The following NUP210 variants were observed in gnomAD, a reference collection of about 807,000 sequenced individuals.
NUP210 encodes nuclear pore membrane glycoprotein 210.
A neutral mutation model predicts 196.0 loss-of-function variants in NUP210; 151 were observed. The ratio of observed to expected loss-of-function variants is 0.77; its 90% CI spans 0.67 to 0.88. The LOEUF is 0.88. NUP210 is among the 40% of genes least tolerant of loss of function. NUP210 has a pLI of 0.00. For missense variants in NUP210, 2,314 were observed against 2,493.7 expected (o/e 0.93, Z 1.53); for synonymous variants, 1,070 against 1,052.7 (o/e 1.02, Z -0.32).
chr3:13,356,118 G>A (rs1156466781), intron 16 of NUP210, among the ~76,000 whole-genome samples: 8 of 152,186 alleles, frequency 5.3e-5, no homozygotes, highest in African/African-American at 1.4e-4. Context: ...CCATGCAACT[G>A]GTGCCCACCC....
intron 1 of NUP210, among the ~76,000 whole-genome samples, chr3:13,418,696 G>A (rs916460878): frequency 2.6e-5 from 4 of 152,068 alleles, no homozygotes; most frequent in African/African-American, 9.7e-5. Context: ...GCTGAGGCAG[G>A]AGAATCGCTT....
At chr3:13,328,589 T>C (rs1369179109) in intron 31 of NUP210, among the ~76,000 whole-genome samples, 182 bp downstream of exon 31, 1 of 152,158 alleles carries the variant, frequency 6.6e-6, no homozygotes, top group Non-Finnish European at 1.5e-5. Flanking sequence ...CTGGTCTACA[T>C]CCCCCAAGGG....
chr3:13,399,933 C>T, intron 1 of NUP210, 72 bp from the exon 2 acceptor site: 2 of 1,515,024 alleles, frequency 1.3e-6, no homozygotes, highest in Admixed American at 4.1e-5. Context: ...AGACACCAGG[C>T]TGTGGCACCC....
chr3:13,416,822 G>A (rs4684135), intron 1 of NUP210, among the ~76,000 whole-genome samples: 58,219 of 152,046 alleles, frequency 0.38, 11,614 homozygotes, highest in Middle Eastern at 0.46. Context: ...CAAATAACCA[G>A]GTTCAAGGCA....
In NUP210 at chr3:13,371,949, C is replaced by T; in HGVS notation, c.1671G>A (p.Leu557=). The T allele has an allele frequency of 6.2e-7, 1 of 1,605,534 alleles. No individual in the cohort carries two copies. The highest frequency in any genetic ancestry group is 8.5e-7 in the Non-Finnish European group (1 of 1,176,280). Residue 557 remains leucine, a synonymous_variant, in exon 13 of 40, where the codon CTG becomes CTA. Transcript: ENST00000254508. ...ARVGQALELP[L]RISGLMPGGA... The stretch of plus-strand genomic sequence containing the variant: ...CGCCGGGCATGAGGCCACTGATCCT[C>T]AGGGGCAGCTCCAGGGCCTGGCCCA...
rs76637159 is a variant in NUP210 at position 13,320,063 on chromosome 3, G to A, written c.5167-84C>T. Reference sequence around the variant, plus strand: ...GGGGCCTCAGGACCCCGAGGCGGGAGGGCTGCTCTGCATGGCCATCTCTGG... The same window carrying A: ...GGGGCCTCAGGACCCCGAGGCGGGAAGGCTGCTCTGCATGGCCATCTCTGG... On this transcript the variant is annotated intron_variant, in intron 36 of 39. Coordinates refer to ENST00000254508, the MANE Select transcript of NUP210 (RefSeq NM_024923.4). The A allele has an allele frequency of 3.5e-3, 4,435 of 1,252,658 alleles. 124 individuals carry two copies. In the East Asian group the frequency reaches 0.072, roughly 20 times the overall value. The allele number at this position is 1,252,658 out of a possible 1,614,324, so 77.6% of individuals were successfully genotyped here.
chr3:13,376,148 C>A (rs1166589253), intron 10 of NUP210, 143 bp downstream of exon 10: 13 of 771,132 alleles, frequency 1.7e-5, no homozygotes, highest in Non-Finnish European at 2.7e-5. Flanking sequence ...GAAAATAGAA[C>A]CCAGGATGCA....
chr3:13,370,212 T>C (rs1024020692), intron 13 of NUP210, among the ~76,000 whole-genome samples: 3 of 152,122 alleles, frequency 2.0e-5, no homozygotes, highest in Non-Finnish European at 4.4e-5. Flanking sequence ...CACATTACCA[T>C]GCACACTCCA....
intron 4 of NUP210, among the ~76,000 whole-genome samples, chr3:13,390,191 C>T (rs1699441490): frequency 1.3e-5 from 2 of 152,204 alleles, no homozygotes; most frequent in Admixed American, 1.3e-4. Flanking sequence ...CCCCGATGGT[C>T]GTAAAGCACA....
In NUP210 at chr3:13,322,352, G is replaced by C; in HGVS notation, c.4769-13C>G. On this transcript the variant is annotated splice_polypyrimidine_tract_variant and intron_variant, in intron 34 of 39. Transcript: ENST00000254508. The stretch of plus-strand genomic sequence containing the variant: ...GGGGTGCACTCGCCTAGAGAGGGGA[G>C]AGACGAGAGGGTGTGGGCCAGGCCC... The C allele has an allele frequency of 6.2e-7, 1 of 1,614,110 alleles. No homozygotes were observed. The highest frequency in any genetic ancestry group is 8.5e-7 in the Non-Finnish European group (1 of 1,179,998).
At chr3:13,393,235 G>A (rs531320215) in intron 3 of NUP210, among the ~76,000 whole-genome samples, 43 of 152,272 alleles carry the variant, frequency 2.8e-4, no homozygotes, top group South Asian at 8.3e-4. Context: ...ACAACGGTCC[G>A]CTTATGGACA....
Position 13,350,773 on chromosome 3 carries a change from A to G in NUP210, c.2835+1106T>C, listed in dbSNP as rs1697944286. On this transcript the variant is annotated intron_variant, in intron 20 of 39. Coordinates refer to ENST00000254508, the MANE Select transcript of NUP210 (RefSeq NM_024923.4). The surrounding 1 kb of genome is among the most constrained non-coding windows in gnomAD (Gnocchi z 4.1). ...CAGTGGCGCAATCTTGGCTCACTGC[A>G]AGCTCCACCCGCTGGGTTCACGCCA... Among the ~76,000 whole-genome samples the G allele has an allele frequency of 6.7e-6, 1 of 148,412 alleles. No individual in the cohort carries two copies. Among genetic ancestry groups the G allele is most frequent in the Non-Finnish European group, 1.5e-5 (1 of 67,556 alleles).
chr3:13,388,285 C>T lies in NUP210; in HGVS notation c.684+18G>A, dbSNP rs1266784637. The T allele has an allele frequency of 6.3e-7, 1 of 1,581,940 alleles. No individual in the cohort carries two copies. The highest frequency in any genetic ancestry group is 8.6e-7 in the Non-Finnish European group (1 of 1,165,590). On this transcript the variant is annotated intron_variant, in intron 5 of 39. Transcript: ENST00000254508. ...CCACCCCAGGAAGCCCACTGACACC[C>T]CAGCGCCCCAGGCCCACCTTGTAGA... is the stretch of plus-strand genomic sequence containing the variant.
chr3:13,395,072 T>C lies in NUP210; in HGVS notation c.436+2285A>G, dbSNP rs1200072476. On this transcript the variant is annotated intron_variant, in intron 3 of 39. Transcript: ENST00000254508. Reference sequence around the variant, plus strand: ...GTGGAGACCAGGTGACGTCCTACTCTGGAACTGGCTGCAGGGGCCATCAAC... The same window carrying C: ...GTGGAGACCAGGTGACGTCCTACTCCGGAACTGGCTGCAGGGGCCATCAAC... Among the ~76,000 whole-genome samples, 18 of 152,240 alleles carry C rather than the reference T, an allele frequency of 1.2e-4. 1 individual carries two copies. In the South Asian group the frequency reaches 3.5e-3, roughly 30 times the overall value.
chr3:13,392,272 A>C (rs568265236), intron 3 of NUP210, among the ~76,000 whole-genome samples: 1 of 152,352 alleles, frequency 6.6e-6, no homozygotes, highest in East Asian at 1.9e-4. Flanking sequence ...AGTGCCTAGC[A>C]GAAGCTCCAG....
chr3:13,319,087 C>T lies in NUP210; in HGVS notation c.5548G>A (p.Gly1850Arg), dbSNP rs750047664. 6.2e-7 allele frequency: 1 copy of T among 1,605,772 alleles called. No individual in the cohort carries two copies. The highest frequency in any genetic ancestry group is 8.5e-7 in the Non-Finnish European group (1 of 1,177,122). ...GGCTACTCACAGTGGGGGCTGTGTC[C>T]AGGGCTGGCTCGAGGCGTGAGGGCT... is the stretch of plus-strand genomic sequence containing the variant. ...PAALTPRASP[G>R]HSPHYFAASS... The change falls in exon 39 of 40, where the codon GGA becomes AGA. Residue 1850 changes from glycine to arginine, a missense_variant. Coordinates refer to ENST00000254508, the MANE Select transcript of NUP210 (RefSeq NM_024923.4).
intron 20 of NUP210, chr3:13,345,133 T>G: frequency 1.0e-6 from 1 of 985,476 alleles, no homozygotes; most frequent in Non-Finnish European, 1.2e-6. Flanking sequence ...CCAGGGCCGC[T>G]GCTCTGAGTA....
chr3:13,335,340 G>C, intron 28 of NUP210, 114 bp downstream of exon 28: 4 of 1,253,880 alleles, frequency 3.2e-6, no homozygotes, highest in Non-Finnish European at 4.5e-6. Context: ...CCCACGGACT[G>C]AGAGCTTCTC....
At chr3:13,380,407 C>T (rs9866800) in intron 6 of NUP210, among the ~76,000 whole-genome samples, 88,630 of 152,094 alleles carry the variant, frequency 0.58, 27,070 homozygotes, top group African/African-American at 0.77. Context: ...CTCATGATCA[C>T]GTTCCCTCAT....
Sources: gnomAD v4.1 joint callset for allele counts (sites outside exome capture counted in the v4.1 genomes callset) on GRCh38, gnomAD v4.1.1 for gene constraint, Gnocchi (gnomAD v3.1) non-coding constraint, MANE v1.5 for transcripts, NCBI Gene and HGNC (gene_info 2026-07-23, HGNC 2026-07-21) for gene names.